The following HDAC4 variants were observed in gnomAD, a reference collection of about 807,000 sequenced individuals.
HDAC4 encodes the protein histone deacetylase A.
A neutral mutation model predicts 135.1 loss-of-function variants in HDAC4; 16 were observed. That is an observed-to-expected ratio of 0.12 (90% CI 0.08 to 0.18). HDAC4 has a LOEUF of 0.18. Among genes scored for constraint, HDAC4 ranks in the 10% least tolerant of loss-of-function variants. HDAC4 has a pLI of 1.00. For synonymous variants in HDAC4, 685 were observed against 653.4 expected (o/e 1.05, Z -0.74); for missense variants, 1,143 against 1,511.8 (o/e 0.76, Z 4.05).
chr2:239,321,272 T>C (rs1234909651), intron 2 of HDAC4, among the ~76,000 whole-genome samples: 1 of 152,080 alleles, frequency 6.6e-6, no homozygotes, highest in East Asian at 1.9e-4. Context: ...GAGACCATCC[T>C]GGCTCACACG....
At chr2:239,190,681 C>G (rs1039099311) in intron 3 of HDAC4, among the ~76,000 whole-genome samples, 1 of 152,204 alleles carries the variant, frequency 6.6e-6, no homozygotes, top group African/African-American at 2.4e-5. Flanking sequence ...GCCAACGAGA[C>G]GTGCTCCTGG....
chr2:239,123,887 T>C (rs898921776), intron 12 of HDAC4, among the ~76,000 whole-genome samples: 2 of 152,030 alleles, frequency 1.3e-5, no homozygotes, highest in South Asian at 4.2e-4. Context: ...GCTAGGAAAG[T>C]CTATCTCCTC....
In HDAC4 at chr2:239,115,837, C is replaced by T. The variant is rs575842101; in HGVS notation, c.1534-527G>A. On this transcript the variant is annotated intron_variant, in intron 12 of 26. Transcript: ENST00000543185. This position sits in a 1 kb window ranked among gnomAD's most constrained non-coding sequence, Gnocchi z 6.3. ...CGATGTGCCATGACCTCCCTCCTGC[C>T]GGATCCTGGGAACACTCCAGGACCT... Among the ~76,000 whole-genome samples, 3 of 151,614 alleles carry T rather than the reference C, an allele frequency of 2.0e-5. No individual in the cohort carries two copies. The highest frequency in any genetic ancestry group is 1.3e-4 in the Admixed American group (2 of 15,220).
intron 24 of HDAC4, among the ~76,000 whole-genome samples, chr2:239,065,989 T>C (rs74000637): frequency 0.011 from 1,694 of 152,248 alleles, 19 homozygotes; most frequent in African/African-American, 0.038. Context: ...CTTCAGACAC[T>C]CTTGGAGGTG....
chr2:239,191,883 G>A (rs1304335398), intron 3 of HDAC4, among the ~76,000 whole-genome samples: 2 of 152,252 alleles, frequency 1.3e-5, no homozygotes, highest in Non-Finnish European at 2.9e-5. Context: ...CAACCCAGAA[G>A]GTGACAGAAG....
At chr2:239,213,062 G>A (rs1388591650) in intron 3 of HDAC4, among the ~76,000 whole-genome samples, 1 of 152,094 alleles carries the variant, frequency 6.6e-6, no homozygotes, top group African/African-American at 2.4e-5. Context: ...CCAGGAAAAC[G>A]CAAAGCTGGA....
chr2:239,134,765 A>G, intron 9 of HDAC4, 122 bp from the exon 10 acceptor site: 1 of 763,212 alleles, frequency 1.3e-6, no homozygotes, highest in Non-Finnish European at 2.3e-6. Flanking sequence ...GTAAACGTAC[A>G]TGTAACAAAT....
intron 3 of HDAC4, among the ~76,000 whole-genome samples, chr2:239,202,402 A>C (rs2045809427): frequency 6.6e-6 from 1 of 152,182 alleles, no homozygotes; most frequent in Non-Finnish European, 1.5e-5. Context: ...GAGACAGGCA[A>C]AGTGGGGCAG....
intron 3 of HDAC4, among the ~76,000 whole-genome samples, chr2:239,195,871 C>T (rs2045346861): frequency 6.6e-6 from 1 of 152,122 alleles, no homozygotes; most frequent in Non-Finnish European, 1.5e-5. Flanking sequence ...CAATCACAAA[C>T]AGAAAAACCT....
At chr2:239,088,539 ATGTACTCTT>A (rs2036203685) in intron 18 of HDAC4, among the ~76,000 whole-genome samples, 1 of 152,212 alleles carries the variant, frequency 6.6e-6, no homozygotes, top group Non-Finnish European at 1.5e-5. Context: ...CTGAGGCTCT[ATGTACTCTT>A]TTCACTGCCC....
At chr2:239,346,859 CCTAT>C (rs1389252496) in intron 2 of HDAC4, among the ~76,000 whole-genome samples, 2 of 137,318 alleles carry the variant, frequency 1.5e-5, no homozygotes, top group Admixed American at 7.2e-5. Flanking sequence ...TCACACACAC[CCTAT>C]CTAAAACACA....
intron 2 of HDAC4, among the ~76,000 whole-genome samples, chr2:239,339,931 C>T (rs572350440): frequency 3.9e-5 from 6 of 152,252 alleles, no homozygotes; most frequent in Admixed American, 2.6e-4. Context: ...CCAGGGCCAC[C>T]GGCCTTTGTG....
chr2:239,307,155 G>C lies in HDAC4; in HGVS notation c.22+45523C>G, dbSNP rs2052638745. Among the ~76,000 whole-genome samples, 1 of 152,074 alleles carries C rather than the reference G, an allele frequency of 6.6e-6. No homozygotes were observed. Among genetic ancestry groups the C allele is most frequent in the Non-Finnish European group, 1.5e-5 (1 of 67,996 alleles). On this transcript the variant is annotated intron_variant, in intron 2 of 26. Transcript: ENST00000543185. The surrounding 1 kb of genome is among the most constrained non-coding windows in gnomAD (Gnocchi z 4.8). ...CCGTCCATCCTGGGTGCCCACGAGG[G>C]GTCTGGAAACCCTGACAGGGAGGGA...
intron 1 of HDAC4, among the ~76,000 whole-genome samples, chr2:239,378,051 G>C (rs2126041130): frequency 6.6e-6 from 1 of 152,308 alleles, no homozygotes; most frequent in East Asian, 1.9e-4. Flanking sequence ...CATCCCCTCT[G>C]TCCAGCAAAC....
intron 7 of HDAC4, among the ~76,000 whole-genome samples, chr2:239,149,432 G>C (rs1257281908): frequency 6.6e-6 from 1 of 151,916 alleles, no homozygotes; most frequent in Non-Finnish European, 1.5e-5. Flanking sequence ...TGACAGACTG[G>C]AATCTAACTT....
chr2:239,397,150 G>A (rs965817865), intron 1 of HDAC4, among the ~76,000 whole-genome samples: 2 of 152,194 alleles, frequency 1.3e-5, no homozygotes, highest in African/African-American at 4.8e-5. Flanking sequence ...GGCTGTGTTC[G>A]CCCAAGCACC....
At chr2:239,357,733 A>AT (rs1468380841) in intron 1 of HDAC4, among the ~76,000 whole-genome samples, 1 of 151,160 alleles carries the variant, frequency 6.6e-6, no homozygotes, top group Non-Finnish European at 1.5e-5. Flanking sequence ...AAAATAATAA[A>AT]AAAAAATAAG....
chr2:239,237,538 T>C (rs1321080112), intron 2 of HDAC4, among the ~76,000 whole-genome samples: 1 of 146,624 alleles, frequency 6.8e-6, no homozygotes, highest in Non-Finnish European at 1.5e-5. Context: ...ATACAAGTTT[T>C]AAAACAGGAC....
At chr2:239,121,292 C>A (rs1313953597) in intron 12 of HDAC4, among the ~76,000 whole-genome samples, 1 of 152,220 alleles carries the variant, frequency 6.6e-6, no homozygotes, top group Non-Finnish European at 1.5e-5. Context: ...TTCAAGAACT[C>A]TGTAAGAAAA....
Sources: allele counts gnomAD v4.1 joint callset (sites outside exome capture counted in the v4.1 genomes callset), GRCh38; gene constraint gnomAD v4.1.1; non-coding constraint Gnocchi (gnomAD v3.1); transcripts MANE v1.5; gene names NCBI Gene and HGNC (gene_info 2026-07-23, HGNC 2026-07-21).